The following PLEKHG1 variants were observed in gnomAD, a reference collection of about 807,000 sequenced individuals.
PLEKHG1 encodes the protein pleckstrin homology domain-containing family G member 1.
PLEKHG1 carries 44 observed loss-of-function variants against 100.8 expected under a neutral mutation model. The ratio of observed to expected loss-of-function variants is 0.44; its 90% confidence interval spans 0.34 to 0.56. The LOEUF (loss-of-function observed/expected upper bound fraction) is 0.56. PLEKHG1 is among the 20% of genes least tolerant of loss of function. PLEKHG1 has a pLI of 0.01. For missense variants in PLEKHG1, 1,545 were observed against 1,720.9 expected (o/e 0.90, Z 1.81); for synonymous variants, 640 against 662.5 (o/e 0.97, Z 0.52).
At chr6:150,684,013 C>T (rs1780026456) in intron 3 of PLEKHG1, 1 of 348,478 alleles carries the variant, frequency 2.9e-6, no homozygotes, top group African/African-American at 2.1e-5. Flanking sequence ...AGGTAGATGT[C>T]CCTGGCCTCT....
At chr6:150,618,865 G>A (rs1308180113) in intron 1 of PLEKHG1, among the ~76,000 whole-genome samples, 1 of 152,128 alleles carries the variant, frequency 6.6e-6, no homozygotes, top group Non-Finnish European at 1.5e-5. Context: ...GATAGCTTGA[G>A]ACCAGGCATT....
At chr6:150,701,483 C>T (rs1266423783) in intron 3 of PLEKHG1, among the ~76,000 whole-genome samples, 1 of 109,158 alleles carries the variant, frequency 9.2e-6, no homozygotes, top group Non-Finnish European at 1.8e-5. Context: ...ACTTTAAGTT[C>T]TAGGGTACAT....
At chr6:150,643,139 CTAAT>C (rs1778340858) in intron 2 of PLEKHG1, among the ~76,000 whole-genome samples, 1 of 152,126 alleles carries the variant, frequency 6.6e-6, no homozygotes. Context: ...TGCCTCATCT[CTAAT>C]TAAGTATTAG....
intron 2 of PLEKHG1, among the ~76,000 whole-genome samples, chr6:150,738,427 C>T (rs935262463): frequency 6.6e-6 from 1 of 152,130 alleles, no homozygotes; most frequent in Non-Finnish European, 1.5e-5. Flanking sequence ...AATATCAGAG[C>T]AGCTTATTTC....
intron 5 of PLEKHG1, among the ~76,000 whole-genome samples, chr6:150,799,920 G>A (rs561627194): frequency 5.3e-5 from 8 of 152,286 alleles, no homozygotes; most frequent in South Asian, 4.1e-4. Context: ...TGCACAAGCC[G>A]TTAGCTGGCT....
At chr6:150,628,497 A>G (rs1777590422) in intron 1 of PLEKHG1, among the ~76,000 whole-genome samples, 1 of 137,216 alleles carries the variant, frequency 7.3e-6, no homozygotes. Flanking sequence ...GCAAATGGAC[A>G]TTTGTTTTGG....
chr6:150,757,972 G>C (rs1292614890), intron 2 of PLEKHG1, among the ~76,000 whole-genome samples: 1 of 151,984 alleles, frequency 6.6e-6, no homozygotes, highest in African/African-American at 2.4e-5. Flanking sequence ...CCTGAGTTAG[G>C]TTGCTGAGGA....
At chr6:150,677,935 G>A (rs62434122) in intron 3 of PLEKHG1, among the ~76,000 whole-genome samples, 17,839 of 151,034 alleles carry the variant, frequency 0.12, 1,278 homozygotes, top group African/African-American at 0.2. Context: ...ATGCATAAAG[G>A]CAAAATGCAA....
chr6:150,670,032 T>A (rs1779531298), intron 3 of PLEKHG1, among the ~76,000 whole-genome samples: 1 of 152,212 alleles, frequency 6.6e-6, no homozygotes, highest in South Asian at 2.1e-4. Context: ...AACTAAGGGA[T>A]TTTTGTGTTT....
At chr6:150,768,584 G>T (rs1392368361) in intron 2 of PLEKHG1, 54 bp from the exon 4 acceptor site, 4 of 928,940 alleles carry the variant, frequency 4.3e-6, no homozygotes, top group Non-Finnish European at 7.1e-6. Context: ...CATAATTAAA[G>T]ATGACTTGGA....
chr6:150,608,786 G>A (rs963329057), intron 1 of PLEKHG1, among the ~76,000 whole-genome samples: 5 of 152,230 alleles, frequency 3.3e-5, no homozygotes, highest in Non-Finnish European at 7.3e-5. Context: ...CAGTTGAAAT[G>A]CGGGAATAGT....
At chr6:150,626,628 G>A (rs1486495099) in intron 1 of PLEKHG1, among the ~76,000 whole-genome samples, 1 of 152,126 alleles carries the variant, frequency 6.6e-6, no homozygotes, top group African/African-American at 2.4e-5. Context: ...TGTTTCTAAG[G>A]TTCATTCATG....
At chr6:150,839,444 A>C (rs1777399111) in intron 15 of PLEKHG1, among the ~76,000 whole-genome samples, 1 of 152,148 alleles carries the variant, frequency 6.6e-6, no homozygotes, top group Non-Finnish European at 1.5e-5. Context: ...AGACTGCTTG[A>C]ATGATTTTTC....
chr6:150,779,357 T>TTA (rs1785181040), intron 3 of PLEKHG1, among the ~76,000 whole-genome samples: 1 of 147,186 alleles, frequency 6.8e-6, no homozygotes, highest in Admixed American at 6.8e-5. Flanking sequence ...TTTTTTTTTT[T>TTA]TTTTTTGAGA....
intron 1 of PLEKHG1, among the ~76,000 whole-genome samples, chr6:150,608,916 C>G (rs1776710996): frequency 6.6e-6 from 1 of 152,070 alleles, no homozygotes; most frequent in African/African-American, 2.4e-5. Context: ...TGTATGGCAT[C>G]TAGTACAAAG....
chr6:150,626,890 C>G (rs1303532841), intron 1 of PLEKHG1, among the ~76,000 whole-genome samples: 1 of 152,096 alleles, frequency 6.6e-6, no homozygotes, highest in Non-Finnish European at 1.5e-5. Flanking sequence ...AAACTATAAC[C>G]TGAAGTTAAA....
At chr6:150,766,161 A>G (rs1011659792) in intron 2 of PLEKHG1, among the ~76,000 whole-genome samples, 13 of 152,240 alleles carry the variant, frequency 8.5e-5, no homozygotes, top group African/African-American at 3.1e-4. Context: ...TTTTGTGTGT[A>G]CTCTCTGCTC....
intron 3 of PLEKHG1, among the ~76,000 whole-genome samples, chr6:150,656,056 C>T (rs1488993637): frequency 6.6e-6 from 1 of 151,792 alleles, no homozygotes; most frequent in Non-Finnish European, 1.5e-5. Context: ...TGTAACAAAC[C>T]TGCACATTCT....
At chr6:150,768,485 C>T (rs1354563536) in intron 2 of PLEKHG1, among the ~76,000 whole-genome samples, 153 bp from the exon 4 acceptor site, 1 of 152,020 alleles carries the variant, frequency 6.6e-6, no homozygotes, top group African/African-American at 2.4e-5. Flanking sequence ...GTATTAGGGC[C>T]AGTAATAAGA....
Sources: allele counts gnomAD v4.1 joint callset (sites outside exome capture counted in the v4.1 genomes callset), GRCh38; gene constraint gnomAD v4.1.1; transcripts MANE v1.5; gene names NCBI Gene and HGNC (gene_info 2026-07-23, HGNC 2026-07-21).